Variants in LAMB1 observed in about 807,000 individuals in gnomAD.
LAMB1 encodes laminin subunit beta 1.
In LAMB1, 121 loss-of-function variants were observed where a neutral mutation model predicts 222.3. The ratio of observed to expected loss-of-function variants is 0.54; its 90% confidence interval spans 0.47 to 0.63. The LOEUF is 0.63. LAMB1 is among the 30% of genes least tolerant of loss of function. The probability of loss-of-function intolerance (pLI) is 0.00; values close to 1 mark genes in which losing one functional copy is unlikely to be tolerated. For missense variants in LAMB1, 2,172 were observed against 2,240.8 expected (o/e 0.97, Z 0.62); for synonymous variants, 794 against 807.2 (o/e 0.98, Z 0.28).
intron 21 of LAMB1, 71 bp downstream of exon 21, chr7:107,955,396 C>G (rs2033352315): frequency 7.5e-7 from 1 of 1,337,746 alleles, no homozygotes; most frequent in East Asian, 2.5e-5. Flanking sequence ...ATCTTTTTTT[C>G]TCATTAACAA....
rs766830597 is a variant in LAMB1 at position 107,975,290 on chromosome 7, T to C, written c.1313A>G (p.Asp438Gly). The C allele has an allele frequency of 7.4e-6, 12 of 1,613,988 alleles. No individual in the cohort carries two copies. Among genetic ancestry groups the C allele is most frequent in the African/African-American group, 1.3e-5 (1 of 74,924 alleles). The change falls in exon 11 of 34, where the codon GAT becomes GGT. Residue 438 changes from aspartate (D) to glycine (G), a missense_variant. Coordinates refer to ENST00000222399, the MANE Select transcript of LAMB1 (RefSeq NM_002291.3). ...ATCATAGAAGCCTTCTTTGCAAACA[T>C]CACAATGTTCTCCTTCCACATTTAA... The part of the protein sequence containing the change: ...CKLNVEGEHC[D>G]VCKEGFYDLS...
intron 13 of LAMB1, among the ~76,000 whole-genome samples, chr7:107,965,776 C>T (rs1398869790): frequency 1.3e-5 from 2 of 152,108 alleles, no homozygotes; most frequent in Non-Finnish European, 2.9e-5. Flanking sequence ...TTGCAACTCA[C>T]AGGAACACTT....
Position 107,959,447 on chromosome 7 carries a change from G to A in LAMB1, c.2492C>T (p.Ala831Val). ...CTGGCCAGTGACGGGATTGCAGAAGGCATTGACAGATCCTTGCAGATGGCA... is the reference window on the plus strand; with the variant it reads ...CTGGCCAGTGACGGGATTGCAGAAGACATTGACAGATCCTTGCAGATGGCA... ...CECHLQGSVN[A>V]FCNPVTGQCH... The change falls in exon 20 of 34, where the codon GCC becomes GTC. Residue 831 changes from alanine to valine, a missense_variant. Ala to Val is a moderately conservative substitution (Grantham distance 64). Coordinates refer to ENST00000222399, the MANE Select transcript of LAMB1 (RefSeq NM_002291.3). The A allele has an allele frequency of 6.2e-7, 1 of 1,614,206 alleles. No homozygotes were observed. Among genetic ancestry groups the A allele is most frequent in the South Asian group, 1.1e-5 (1 of 91,082 alleles).
At chr7:107,992,865 A>G (rs1368445908) in intron 5 of LAMB1, among the ~76,000 whole-genome samples, 1 of 152,226 alleles carries the variant, frequency 6.6e-6, no homozygotes, top group East Asian at 1.9e-4. Flanking sequence ...ACTGCACTCC[A>G]GCCTGGGCAA....
intron 24 of LAMB1, among the ~76,000 whole-genome samples, chr7:107,948,216 A>G (rs1013041349): frequency 7.9e-5 from 12 of 152,006 alleles, no homozygotes; most frequent in Non-Finnish European, 1.8e-4. Context: ...CGGACTCCTG[A>G]CCTCAAGTGA....
Position 107,926,218 on chromosome 7 carries a change from A to AT in LAMB1, c.5028dup (p.Tyr1677IlefsTer11). On this transcript the variant is annotated frameshift_variant, in exon 32 of 34. Coordinates refer to ENST00000222399, the MANE Select transcript of LAMB1 (RefSeq NM_002291.3). LOFTEE classifies it high-confidence loss of function. ...TCTTCTGCACTTTGCTTCACAGTAT[A>AT]TACTACTTTTTCAATATATTCTGCC... The AT allele has an allele frequency of 6.2e-7, 1 of 1,613,940 alleles. No individual in the cohort carries two copies. The highest frequency in any genetic ancestry group is 1.1e-5 in the South Asian group (1 of 91,076).
intron 27 of LAMB1, among the ~76,000 whole-genome samples, chr7:107,933,613 A>AC (rs1488782611): frequency 6.6e-6 from 1 of 152,164 alleles, no homozygotes; most frequent in Admixed American, 6.5e-5. Flanking sequence ...GAAAAAAAAA[A>AC]ACACAGTATG....
At chr7:107,983,300 C>T (rs2034009442) in intron 7 of LAMB1, among the ~76,000 whole-genome samples, 1 of 152,108 alleles carries the variant, frequency 6.6e-6, no homozygotes, top group African/African-American at 2.4e-5. Context: ...AAAAATAGGG[C>T]CTTGTGCAGC....
chr7:107,968,736 G>T (rs527974543), intron 13 of LAMB1, among the ~76,000 whole-genome samples: 3 of 152,158 alleles, frequency 2.0e-5, no homozygotes, highest in Admixed American at 1.3e-4. Flanking sequence ...CTCAGCCTAC[G>T]ACTGCAAGGA....
intron 2 of LAMB1, chr7:108,002,194 CTG>C (rs1169534467): frequency 1.4e-6 from 2 of 1,384,690 alleles, no homozygotes; most frequent in Non-Finnish European, 1.9e-6. Context: ...GCGTGGAGAT[CTG>C]TGAGCTTGGG....
intron 5 of LAMB1, among the ~76,000 whole-genome samples, chr7:107,988,225 G>A (rs1256620787): frequency 2.0e-5 from 3 of 152,208 alleles, no homozygotes; most frequent in Non-Finnish European, 2.9e-5. Context: ...AACTTGGGTA[G>A]CCAGGTAGCT....
chr7:107,931,699 T>C, intron 28 of LAMB1, 199 bp from the exon 29 acceptor site: 1 of 580,756 alleles, frequency 1.7e-6, no homozygotes, highest in African/African-American at 1.9e-5. Context: ...TAAACAGTAT[T>C]CTGATATAAA....
At chr7:107,932,693 C>G (rs2032742816) in intron 27 of LAMB1, 1 of 341,544 alleles carries the variant, frequency 2.9e-6, no homozygotes, top group African/African-American at 2.1e-5. Context: ...GTGCAAGGGC[C>G]AAGGAATGCC....
intron 7 of LAMB1, among the ~76,000 whole-genome samples, chr7:107,983,271 G>A (rs189935444): frequency 6.6e-6 from 1 of 152,244 alleles, no homozygotes; most frequent in East Asian, 1.9e-4. Flanking sequence ...AAGCTTGGAA[G>A]TTTTTTGGGG....
intron 12 of LAMB1, among the ~76,000 whole-genome samples, chr7:107,973,285 T>A (rs1249576567): frequency 6.6e-6 from 1 of 152,230 alleles, no homozygotes; most frequent in African/African-American, 2.4e-5. Context: ...CACAGGATCG[T>A]GCCAGGTCAA....
intron 8 of LAMB1, among the ~76,000 whole-genome samples, chr7:107,978,838 G>C (rs2150441717): frequency 6.6e-6 from 1 of 152,236 alleles, no homozygotes; most frequent in African/African-American, 2.4e-5. Context: ...GTCACTGTAA[G>C]GCACACTTAC....
intron 20 of LAMB1, among the ~76,000 whole-genome samples, chr7:107,957,144 T>C (rs1319166599): frequency 1.3e-5 from 2 of 152,004 alleles, no homozygotes. Context: ...AATCCCAGCA[T>C]TTTGGGAGGC....
chr7:107,944,945 T>A (rs1472986715), intron 24 of LAMB1, among the ~76,000 whole-genome samples: 1 of 152,170 alleles, frequency 6.6e-6, no homozygotes, highest in Non-Finnish European at 1.5e-5. Context: ...AGAATCCAAA[T>A]GACCTAGATA....
rs770636216 is a variant in LAMB1 at position 107,935,568 on chromosome 7, A to G, written c.4035T>C (p.Thr1345=). The G allele has an allele frequency of 6.2e-7, 1 of 1,613,680 alleles. No homozygotes were observed. Among genetic ancestry groups the G allele is most frequent in the Non-Finnish European group, 8.5e-7 (1 of 1,179,928 alleles). Residue 1345 remains threonine (T), a synonymous_variant, in exon 27 of 34, where the codon ACT becomes ACC. Coordinates refer to ENST00000222399, the MANE Select transcript of LAMB1 (RefSeq NM_002291.3). The stretch of plus-strand genomic sequence containing the variant: ...CTCTCATGAGGGCTGACTGCTCCAC[A>G]GTGCTGTTGGGTTCTGTGGTGGAGG... The part of the protein sequence containing the change: ...VNASTTEPNS[T]VEQSALMRDR...
Sources: allele counts gnomAD v4.1 joint callset (sites outside exome capture counted in the v4.1 genomes callset), GRCh38; gene constraint gnomAD v4.1.1; transcripts MANE v1.5; gene names NCBI Gene and HGNC (gene_info 2026-07-23, HGNC 2026-07-21).